The following CACNA1A variants were observed in gnomAD, a reference collection of about 807,000 sequenced individuals.
The protein encoded by CACNA1A is calcium voltage-gated channel subunit alpha1 A.
A neutral mutation model predicts 262.4 loss-of-function variants in CACNA1A; 57 were observed. The ratio of observed to expected loss-of-function variants is 0.22; its 90% confidence interval spans 0.18 to 0.27. CACNA1A has a LOEUF of 0.27. CACNA1A is among the 10% of genes least tolerant of loss of function. The pLI is 1.00. For missense variants in CACNA1A, 2,526 were observed against 3,562.8 expected (o/e 0.71, Z 7.41); for synonymous variants, 1,431 against 1,419.3 (o/e 1.01, Z -0.18).
intron 3 of CACNA1A, among the ~76,000 whole-genome samples, chr19:13,407,945 C>T (rs1399885908): frequency 2.0e-5 from 3 of 151,416 alleles, no homozygotes; most frequent in African/African-American, 7.3e-5. Context: ...AGTGAGTTCT[C>T]GTGAGACCTG....
intron 19 of CACNA1A, among the ~76,000 whole-genome samples, chr19:13,291,846 G>A (rs1264024285): frequency 6.6e-6 from 1 of 151,964 alleles, no homozygotes; most frequent in Admixed American, 6.6e-5. Flanking sequence ...GGTACCGTAA[G>A]AATTAGAGTG....
chr19:13,401,505 T>G (rs1234736952), intron 3 of CACNA1A, among the ~76,000 whole-genome samples: 1 of 152,164 alleles, frequency 6.6e-6, no homozygotes, highest in Admixed American at 6.5e-5. Context: ...CCACTAAAGA[T>G]TCACAAGTGG....
chr19:13,318,888 A>ATATTTTTTTTTTTTTTTT (rs1600317762), intron 10 of CACNA1A, among the ~76,000 whole-genome samples: 1 of 94,684 alleles, frequency 1.1e-5, no homozygotes, highest in Non-Finnish European at 2.0e-5. Context: ...TCTAAAATAC[A>ATATTTTTTTTTTTTTTTT]TCTTTTTTTT....
chr19:13,217,927 CTT>C (rs33920209), intron 38 of CACNA1A, among the ~76,000 whole-genome samples: 64,767 of 91,406 alleles, frequency 0.71, 22,469 homozygotes, highest in Middle Eastern at 0.83. Flanking sequence ...ATAGTTCATT[CTT>C]TTTTTTTTTT....
At chr19:13,313,131 G>A (rs1282831549) in intron 11 of CACNA1A, among the ~76,000 whole-genome samples, 3 of 152,044 alleles carry the variant, frequency 2.0e-5, no homozygotes, top group Non-Finnish European at 4.4e-5. Flanking sequence ...AAAGTGCTGG[G>A]ATTATATACA....
At chr19:13,385,978 G>A (rs904280194) in intron 3 of CACNA1A, among the ~76,000 whole-genome samples, 10 of 151,914 alleles carry the variant, frequency 6.6e-5, no homozygotes, top group African/African-American at 2.4e-4. Context: ...GCAACATAAA[G>A]AGACCCCATC....
At chr19:13,227,901 GC>G (rs2055522518) in intron 36 of CACNA1A, among the ~76,000 whole-genome samples, 2 of 89,642 alleles carry the variant, frequency 2.2e-5, no homozygotes, top group South Asian at 3.8e-4. Flanking sequence ...TTTGTTCATT[GC>G]CTTTTTTTTT....
intron 6 of CACNA1A, among the ~76,000 whole-genome samples, chr19:13,348,317 C>T (rs2058831215): frequency 6.6e-6 from 1 of 151,890 alleles, no homozygotes; most frequent in African/African-American, 2.4e-5. Context: ...AAGAGAAACT[C>T]ACAGAGAAAA....
At chr19:13,310,254 G>A (rs1198742451) in intron 12 of CACNA1A, among the ~76,000 whole-genome samples, 7 of 150,824 alleles carry the variant, frequency 4.6e-5, no homozygotes, top group African/African-American at 1.7e-4. Context: ...TCAGGATTTC[G>A]AGACCAGCCT....
Position 13,505,849 on chromosome 19 carries a change from G to T in CACNA1A, c.293+83C>A, listed in dbSNP as rs1599395986. 2.1e-6 allele frequency: 3 copies of T among 1,419,768 alleles called. No homozygotes were observed. In the East Asian group the frequency reaches 7.3e-5, roughly 35 times the overall value. The allele number at this position is 1,419,768 out of a possible 1,614,324, so 87.9% of individuals were successfully genotyped here. A position where few individuals can be genotyped will look rare whatever the true frequency, so the allele number is the denominator to read the frequency against. ...CCTCCCCACCTCCCATCAACCCCCGGGTCTCTCTCCCAGCCTGGAAGAGGG... is the reference window on the plus strand; with the variant it reads ...CCTCCCCACCTCCCATCAACCCCCGTGTCTCTCTCCCAGCCTGGAAGAGGG... On this transcript the variant is annotated intron_variant, in intron 1 of 46. Coordinates refer to ENST00000360228, the MANE Select transcript of CACNA1A (RefSeq NM_001127222.2).
intron 30 of CACNA1A, among the ~76,000 whole-genome samples, chr19:13,250,361 C>T (rs1162269426): frequency 6.6e-6 from 1 of 150,514 alleles, no homozygotes; most frequent in Non-Finnish European, 1.5e-5. Flanking sequence ...CACTCAGCCC[C>T]CAATTTTTTA....
Position 13,269,704 on chromosome 19 carries a change from C to T in CACNA1A, c.3989+6146G>A, listed in dbSNP as rs560208634. On this transcript the variant is annotated intron_variant, in intron 24 of 46. Transcript: ENST00000360228. ...TGCATGGGCACAGAGCGTGATACCA[C>T]GTGTGATGGCTCATGAAATGGGGTG... Among the ~76,000 whole-genome samples the T allele has an allele frequency of 3.9e-5, 6 of 152,282 alleles. 1 individual carries two copies. Among genetic ancestry groups the T allele is most frequent in the African/African-American group, 7.2e-5 (3 of 41,554 alleles).
intron 3 of CACNA1A, among the ~76,000 whole-genome samples, chr19:13,432,949 A>G (rs1484712626): frequency 6.6e-6 from 1 of 151,904 alleles, no homozygotes; most frequent in East Asian, 1.9e-4. Flanking sequence ...TTTTGAGGCC[A>G]GGAGTTTGAG....
chr19:13,433,081 C>T (rs1362368489), intron 3 of CACNA1A, among the ~76,000 whole-genome samples: 15 of 151,992 alleles, frequency 9.9e-5, no homozygotes, highest in Admixed American at 8.5e-4. Context: ...ATCACGAAGT[C>T]AGGAGATGGA....
At chr19:13,378,858 G>T (rs1356997959) in intron 3 of CACNA1A, among the ~76,000 whole-genome samples, 1 of 151,608 alleles carries the variant, frequency 6.6e-6, no homozygotes, top group African/African-American at 2.4e-5. Flanking sequence ...TCATAGAGAC[G>T]GGGTTTCACC....
intron 3 of CACNA1A, among the ~76,000 whole-genome samples, chr19:13,449,278 A>G (rs1297430726): frequency 6.6e-6 from 1 of 151,876 alleles, no homozygotes; most frequent in Non-Finnish European, 1.5e-5. Flanking sequence ...TTTATTAAAA[A>G]AACAAAAAAA....
intron 24 of CACNA1A, 111 bp from the exon 25 acceptor site, chr19:13,262,944 TG>T: frequency 1.3e-6 from 1 of 742,560 alleles, no homozygotes; most frequent in South Asian, 1.5e-5. Flanking sequence ...CCTAGAAGTC[TG>T]GGGTGAGCTT....
At chr19:13,432,020 G>A (rs888522955) in intron 3 of CACNA1A, among the ~76,000 whole-genome samples, 4 of 148,308 alleles carry the variant, frequency 2.7e-5, no homozygotes, top group Non-Finnish European at 5.9e-5. Flanking sequence ...CAGGAGAATC[G>A]CTTGAACCCG....
At chr19:13,388,236 C>A (rs2059648772) in intron 3 of CACNA1A, among the ~76,000 whole-genome samples, 1 of 138,264 alleles carries the variant, frequency 7.2e-6, no homozygotes, top group Non-Finnish European at 1.5e-5. Flanking sequence ...AAAACGATTT[C>A]TTCCTCTTCT....
Sources: allele counts gnomAD v4.1 joint callset (sites outside exome capture counted in the v4.1 genomes callset), GRCh38; gene constraint gnomAD v4.1.1; transcripts MANE v1.5; gene names NCBI Gene and HGNC (gene_info 2026-07-23, HGNC 2026-07-21).